The following CYTH3 variants were observed in gnomAD, a reference collection of about 807,000 sequenced individuals.
CYTH3 encodes cytohesin 3.
In CYTH3, 23 loss-of-function variants were observed where a neutral mutation model predicts 55.1. The ratio of observed to expected loss-of-function variants is 0.42; its 90% CI spans 0.30 to 0.59. The LOEUF (loss-of-function observed/expected upper bound fraction) is 0.59. Among genes scored for constraint, CYTH3 ranks in the 20% least tolerant of loss-of-function variants. The pLI is 0.20. For missense variants in CYTH3, 413 were observed against 524.8 expected (o/e 0.79, Z 2.08); for synonymous variants, 249 against 194.9 (o/e 1.28, Z -2.31).
chr7:6,215,453 G>T (rs1051733925), intron 1 of CYTH3, among the ~76,000 whole-genome samples: 2 of 152,088 alleles, frequency 1.3e-5, no homozygotes, highest in African/African-American at 4.8e-5. Context: ...AGCCGGGTGT[G>T]GTGGTGGGCA....
In CYTH3 at chr7:6,272,464, C is replaced by G. The variant is rs948421874; in HGVS notation, c.34+10G>C. 37 of 1,370,458 alleles carry G rather than the reference C, an allele frequency of 2.7e-5. No homozygotes were observed. The African/African-American group carries it at 3.8e-4, about 14-fold the overall frequency. The allele number at this position is 1,370,458 out of a possible 1,614,324, so 84.9% of individuals were successfully genotyped here. ...GCCGCCGGCGAGCCCACCACACCTC[C>G]GACACTCACCGCCACCACCCTCGCC... On this transcript the variant is annotated intron_variant, in intron 1 of 12. Transcript: ENST00000350796.
intron 1 of CYTH3, among the ~76,000 whole-genome samples, chr7:6,265,574 G>A (rs1452720814): frequency 3.4e-5 from 5 of 147,950 alleles, no homozygotes; most frequent in Non-Finnish European, 7.4e-5. Flanking sequence ...AGCCGAGATC[G>A]CTCCACTGCA....
chr7:6,252,605 G>T (rs186396916), intron 1 of CYTH3, among the ~76,000 whole-genome samples: 5 of 152,008 alleles, frequency 3.3e-5, no homozygotes, highest in Admixed American at 2.6e-4. Context: ...GCCCATCACC[G>T]GATACATGAA....
At chr7:6,195,679 A>T (rs1228912820) in intron 1 of CYTH3, among the ~76,000 whole-genome samples, 5 of 152,140 alleles carry the variant, frequency 3.3e-5, no homozygotes, top group Non-Finnish European at 7.3e-5. Context: ...GCAATGAATG[A>T]GGAAGGAACT....
chr7:6,269,939 A>G (rs999391627), intron 1 of CYTH3, among the ~76,000 whole-genome samples: 1 of 152,210 alleles, frequency 6.6e-6, no homozygotes, highest in Non-Finnish European at 1.5e-5. Flanking sequence ...TATTTACCCT[A>G]TCTTTTAAAC....
At chr7:6,251,120 G>C (rs6969814) in intron 1 of CYTH3, among the ~76,000 whole-genome samples, 33,924 of 152,036 alleles carry the variant, frequency 0.22, 7,380 homozygotes, top group African/African-American at 0.57. Flanking sequence ...ACTAAAAATA[G>C]AAAAATTAGC....
intron 1 of CYTH3, among the ~76,000 whole-genome samples, chr7:6,230,718 C>A (rs117299474): frequency 6.6e-6 from 1 of 152,166 alleles, no homozygotes; most frequent in East Asian, 1.9e-4. Flanking sequence ...ACAAGGTAAA[C>A]CTTTACTACA....
At chr7:6,271,533 A>G (rs1262094078) in intron 1 of CYTH3, among the ~76,000 whole-genome samples, 2 of 152,164 alleles carry the variant, frequency 1.3e-5, no homozygotes, top group African/African-American at 4.8e-5. Context: ...GTTCCTGTAA[A>G]AACACGGGCA....
At chr7:6,177,272 CTT>C (rs1783376184) in intron 5 of CYTH3, among the ~76,000 whole-genome samples, 1 of 152,192 alleles carries the variant, frequency 6.6e-6, no homozygotes, top group African/African-American at 2.4e-5. Context: ...AACTACTGGG[CTT>C]TTGTTTAAAA....
chr7:6,226,855 C>T (rs1341146768), intron 1 of CYTH3, among the ~76,000 whole-genome samples: 10 of 152,082 alleles, frequency 6.6e-5, no homozygotes, highest in South Asian at 6.2e-4. Flanking sequence ...CCAAGGTGGG[C>T]GGATCACGAG....
chr7:6,271,237 G>A (rs1780643746), intron 1 of CYTH3, among the ~76,000 whole-genome samples: 1 of 152,064 alleles, frequency 6.6e-6, no homozygotes, highest in South Asian at 2.1e-4. Context: ...GCCATGACGG[G>A]TGCCAACTTC....
chr7:6,231,239 A>G (rs1779385215), intron 1 of CYTH3, among the ~76,000 whole-genome samples: 1 of 152,248 alleles, frequency 6.6e-6, no homozygotes, highest in Non-Finnish European at 1.5e-5. Flanking sequence ...ACTCAAATGT[A>G]TTATTTCAAA....
chr7:6,196,624 T>C (rs1783939559), intron 1 of CYTH3, among the ~76,000 whole-genome samples: 1 of 152,088 alleles, frequency 6.6e-6, no homozygotes, highest in African/African-American at 2.4e-5. Flanking sequence ...CATGCCCAGC[T>C]AATTTTCTAT....
chr7:6,215,373 G>A (rs528490446), intron 1 of CYTH3, among the ~76,000 whole-genome samples: 4 of 152,198 alleles, frequency 2.6e-5, no homozygotes, highest in African/African-American at 7.2e-5. Context: ...GGCGGATCAC[G>A]AGGTCAGGAG....
At chr7:6,178,947 G>C (rs1265077861) in intron 4 of CYTH3, among the ~76,000 whole-genome samples, 1 of 152,178 alleles carries the variant, frequency 6.6e-6, no homozygotes, top group African/African-American at 2.4e-5. Flanking sequence ...AGGGTGGCAA[G>C]GGAATAGGGA....
intron 1 of CYTH3, among the ~76,000 whole-genome samples, chr7:6,248,891 G>T (rs1037228285): frequency 4.6e-5 from 7 of 152,148 alleles, no homozygotes; most frequent in Admixed American, 4.6e-4. Flanking sequence ...TTCAAGGGAG[G>T]GGAGGTAAGA....
intron 1 of CYTH3, among the ~76,000 whole-genome samples, chr7:6,265,881 G>C (rs781190703): frequency 6.6e-6 from 1 of 152,046 alleles, no homozygotes; most frequent in Non-Finnish European, 1.5e-5. Flanking sequence ...TGAGCAACTG[G>C]AAGAACACCA....
At chr7:6,253,726 G>C (rs148196800) in intron 1 of CYTH3, among the ~76,000 whole-genome samples, 2,857 of 152,226 alleles carry the variant, frequency 0.019, 85 homozygotes, top group African/African-American at 0.065. Context: ...TGAGGCAGGA[G>C]AATCACTTGA....
chr7:6,247,430 T>C (rs528762659), intron 1 of CYTH3, among the ~76,000 whole-genome samples: 35 of 152,326 alleles, frequency 2.3e-4, no homozygotes, highest in African/African-American at 7.0e-4. Flanking sequence ...TCGTTTTTTT[T>C]CAGCTCAAAG....
Sources: allele counts gnomAD v4.1 joint callset (sites outside exome capture counted in the v4.1 genomes callset), GRCh38; gene constraint gnomAD v4.1.1; transcripts MANE v1.5; gene names NCBI Gene and HGNC (gene_info 2026-07-23, HGNC 2026-07-21).